The following PSMB9 variants were observed in gnomAD, a reference collection of about 807,000 sequenced individuals.
The protein encoded by PSMB9 is proteasome 20S subunit beta 9.
A neutral mutation model predicts 26.9 loss-of-function variants in PSMB9; 16 were observed. The ratio of observed to expected loss-of-function variants is 0.59; its 90% CI spans 0.40 to 0.90. The LOEUF is 0.90. Ranked by LOEUF, PSMB9 falls within the 40% of genes least tolerant of loss-of-function variation. The probability of loss-of-function intolerance (pLI) is 0.00; values close to 1 mark genes in which losing one functional copy is unlikely to be tolerated. For synonymous variants in PSMB9, 91 were observed against 112.0 expected (o/e 0.81, Z 1.18); for missense variants, 253 against 292.2 (o/e 0.87, Z 0.98).
chr6:32,857,655 A>G (rs1771230449), intron 3 of PSMB9: 5 of 523,318 alleles, frequency 9.6e-6, no homozygotes, highest in Non-Finnish European at 1.7e-5. Context: ...TGATATAAAT[A>G]ATCAGGAAGA....
At position 32,858,590 on chromosome 6, in the gene PSMB9, A is replaced by G. The variant is rs746609175; in HGVS notation, c.532+85A>G. ...TTATGAGGAACAGGAAGAGAAATAC[A>G]GGGGTGGCCATTTAAGTTAATGCCG... is the stretch of plus-strand genomic sequence containing the variant. On this transcript the variant is annotated intron_variant, in intron 5 of 5. Coordinates refer to ENST00000374859, the MANE Select transcript of PSMB9 (RefSeq NM_002800.5). The surrounding 1 kb of genome is among the most constrained non-coding windows in gnomAD (Gnocchi z 5.2). 3.8e-6 allele frequency: 6 copies of G among 1,578,132 alleles called. No homozygotes were observed. The South Asian group carries it at 6.7e-5, about 18-fold the overall frequency.
At chr6:32,857,578 T>A in intron 3 of PSMB9, 184 bp downstream of exon 3, 1 of 653,326 alleles carries the variant, frequency 1.5e-6, no homozygotes, top group Non-Finnish European at 2.4e-6. Context: ...TAGTACCTCA[T>A]GAGACGGTTA....
chr6:32,858,653 A>G lies in PSMB9; in HGVS notation c.532+148A>G. On this transcript the variant is annotated intron_variant, in intron 5 of 5. Transcript: ENST00000374859. The surrounding 1 kb of genome is among the most constrained non-coding windows in gnomAD (Gnocchi z 5.2). ...TTTTAAGAGTGAAAAGGGGCAGGAC[A>G]AATGCAAAGCTCAATGGGGTTCTTG... 9.5e-7 allele frequency: 1 copy of G among 1,056,928 alleles called. No individual in the cohort carries two copies. Among genetic ancestry groups the G allele is most frequent in the Non-Finnish European group, 1.4e-6 (1 of 712,518 alleles). 65.5% of individuals were successfully genotyped at this position (1,056,928 alleles called of 1,614,324 possible). A position where few individuals can be genotyped will look rare whatever the true frequency, so the allele number is the denominator to read the frequency against.
intron 3 of PSMB9, 24 bp downstream of exon 3, chr6:32,857,418 T>A: frequency 6.2e-7 from 1 of 1,607,550 alleles, no homozygotes; most frequent in Non-Finnish European, 8.5e-7. Flanking sequence ...GAGTTCTGAC[T>A]CCCCACCCAC....
intron 2 of PSMB9, chr6:32,856,776 T>G (rs1364584049): frequency 6.4e-6 from 1 of 155,442 alleles, no homozygotes; most frequent in East Asian, 1.9e-4. Flanking sequence ...AAGCCTAATT[T>G]TGATTAACAT....
At position 32,859,690 on chromosome 6, in the gene PSMB9, G is replaced by C; in HGVS notation, c.*158G>C. The stretch of plus-strand genomic sequence containing the variant: ...ATACACTCTTTCTTCTTTTGTCCCA[G>C]GTCTAAAACATCTTTCCTAGAGAAA... On this transcript the variant is annotated 3_prime_UTR_variant, in exon 6 of 6. Coordinates refer to ENST00000374859, the MANE Select transcript of PSMB9 (RefSeq NM_002800.5). 3.5e-6 allele frequency: 3 copies of C among 847,070 alleles called. No homozygotes were observed. Among genetic ancestry groups the C allele is most frequent in the Non-Finnish European group, 5.3e-6 (3 of 563,680 alleles). The allele number at this position is 847,070 out of a possible 1,614,324, so 52.5% of individuals were successfully genotyped here.
Position 32,859,521 on chromosome 6 carries a change from T to G in PSMB9, c.649T>G (p.Tyr217Asp). 1 of 1,613,712 alleles carries G rather than the reference T, an allele frequency of 6.2e-7. No individual in the cohort carries two copies. Among genetic ancestry groups the G allele is most frequent in the Non-Finnish European group, 8.5e-7 (1 of 1,179,892 alleles). The change falls in exon 6 of 6, where the codon TAT becomes GAT. Residue 217 changes from tyrosine (Y) to aspartate (D), a missense_variant. Coordinates refer to ENST00000374859, the MANE Select transcript of PSMB9 (RefSeq NM_002800.5). ...VILGNELPKF[Y>D]DE is the part of the protein sequence containing the mutation. Reference sequence around the variant, plus strand: ...CTTGGGCAATGAACTGCCAAAATTCTATGATGAGTGAACCTTCCCCAGACT... The same window carrying G: ...CTTGGGCAATGAACTGCCAAAATTCGATGATGAGTGAACCTTCCCCAGACT...
chr6:32,855,869 G>T (rs1771138098), intron 1 of PSMB9, among the ~76,000 whole-genome samples: 1 of 152,194 alleles, frequency 6.6e-6, no homozygotes, highest in Admixed American at 6.5e-5. Flanking sequence ...CAGTGGAGAG[G>T]ATTCCACTAG....
chr6:32,858,614 C>A lies in PSMB9; in HGVS notation c.532+109C>A. 1 of 1,432,466 alleles carries A rather than the reference C, an allele frequency of 7.0e-7. No homozygotes were observed. Among genetic ancestry groups the A allele is most frequent in the Non-Finnish European group, 9.7e-7 (1 of 1,034,226 alleles). The allele number at this position is 1,432,466 out of a possible 1,614,324, so 88.7% of individuals were successfully genotyped here. On this transcript the variant is annotated intron_variant, in intron 5 of 5. Transcript: ENST00000374859. The surrounding 1 kb of genome is among the most constrained non-coding windows in gnomAD (Gnocchi z 5.2). ...CAGGGGTGGCCATTTAAGTTAATGC[C>A]GGGCCTGGTACACTTTTAAGAGTGA... is the stretch of plus-strand genomic sequence containing the variant.
chr6:32,858,140 T>A lies in PSMB9; in HGVS notation c.390+6T>A. 1 of 1,612,936 alleles carries A rather than the reference T, an allele frequency of 6.2e-7. No homozygotes were observed. The highest frequency in any genetic ancestry group is 8.5e-7 in the Non-Finnish European group (1 of 1,179,974). ...ACCAACGTGAAGGAGGTCAGGTGAG[T>A]TTCTCCCAAAGCACTCTCTCCTCTG... is the stretch of plus-strand genomic sequence containing the variant. On this transcript the variant is annotated splice_donor_region_variant and intron_variant, in intron 4 of 5. Transcript: ENST00000374859. This position sits in a 1 kb window ranked among gnomAD's most constrained non-coding sequence, Gnocchi z 5.2.
rs114121489 is a variant in PSMB9, at chr6:32,857,648, T to C, written c.260+254T>C. Reference sequence around the variant, plus strand: ...TAAAAGCTGTAAATCACTATCCTGATATAAATAATCAGGAAGAAGGTGATA... The same window carrying C: ...TAAAAGCTGTAAATCACTATCCTGACATAAATAATCAGGAAGAAGGTGATA... On this transcript the variant is annotated intron_variant, in intron 3 of 5. Transcript: ENST00000374859. The C allele has an allele frequency of 2.1e-3, 1,104 of 525,370 alleles. 8 individuals carry two copies. Among genetic ancestry groups the C allele is most frequent in the African/African-American group, 0.019 (984 of 52,252 alleles). The allele number at this position is 525,370 out of a possible 1,614,324, so 32.5% of individuals were successfully genotyped here.
At position 32,856,213 on chromosome 6, in the gene PSMB9, A is replaced by G; in HGVS notation, c.128+8A>G. The G allele has an allele frequency of 1.2e-6, 2 of 1,610,784 alleles. No homozygotes were observed. The highest frequency in any genetic ancestry group is 1.7e-6 in the Non-Finnish European group (2 of 1,178,052). ...TTCCCGAGTGTCTGCAGGGTGAGTA[A>G]AAGTGAAGATGTATGCATTTGGAAA... On this transcript the variant is annotated splice_region_variant and intron_variant, in intron 2 of 5. Coordinates refer to ENST00000374859, the MANE Select transcript of PSMB9 (RefSeq NM_002800.5).
At chr6:32,857,218 A>AGC (rs376627099) in intron 2 of PSMB9, 45 bp from the exon 3 acceptor site, 92,695 of 1,400,300 alleles carry the variant, frequency 0.066, 320 homozygotes, top group Middle Eastern at 0.092. Flanking sequence ...AAAAAAAAAA[A>AGC]AAACCTGAGT....
chr6:32,859,829 G>A lies in PSMB9; in HGVS notation c.*297G>A, dbSNP rs1336840418. 6.6e-6 allele frequency among the ~76,000 whole-genome samples: 1 copy of A among 152,084 alleles called. No individual in the cohort carries two copies. The highest frequency in any genetic ancestry group is 6.5e-5 in the Admixed American group (1 of 15,276). ...AAATTCTCATTCCGCATCATCATGC[G>A]GTCCATGATGATGAGGCCGCAAGTG... On this transcript the variant is annotated 3_prime_UTR_variant, in exon 6 of 6. Coordinates refer to ENST00000374859, the MANE Select transcript of PSMB9 (RefSeq NM_002800.5).
Position 32,857,294 on chromosome 6 carries a change from C to T in PSMB9, c.160C>T (p.Leu54=), listed in dbSNP as rs566898869. The T allele has an allele frequency of 6.2e-7, 1 of 1,609,468 alleles. No individual in the cohort carries two copies. The highest frequency in any genetic ancestry group is 2.2e-5 in the East Asian group (1 of 44,596). ...GGTGGTGAACCGAGTGTTTGACAAG[C>T]TGTCCCCGCTGCACGAGCGCATCTA... ...EAVVNRVFDK[L]SPLHERIYCA... Residue 54 remains leucine, a synonymous_variant, in exon 3 of 6, where the codon CTG becomes TTG. Transcript: ENST00000374859.
chr6:32,855,475 T>A (rs1377325762), intron 1 of PSMB9, among the ~76,000 whole-genome samples: 1 of 152,146 alleles, frequency 6.6e-6, no homozygotes, highest in Admixed American at 6.6e-5. Flanking sequence ...TGGTACAAAT[T>A]TACCTCCCTG....
At chr6:32,857,703 C>T in intron 3 of PSMB9, 2 of 537,214 alleles carry the variant, frequency 3.7e-6, no homozygotes, top group Non-Finnish European at 6.5e-6. Flanking sequence ...CAGGCAGTTA[C>T]CATACGAGAA....
Position 32,854,711 on chromosome 6 carries a change from G to C in PSMB9, c.60+422G>C, listed in dbSNP as rs536778450. 1.3e-5 allele frequency among the ~76,000 whole-genome samples: 2 copies of C among 152,336 alleles called. No individual in the cohort carries two copies. Among genetic ancestry groups the C allele is most frequent in the East Asian group, 3.9e-4 (2 of 5,182 alleles). ...GGAGAAGGAAATATAGGCACTTATT[G>C]AGAAGGACCAACTCATCACACAGAC... On this transcript the variant is annotated intron_variant, in intron 1 of 5. Coordinates refer to ENST00000374859, the MANE Select transcript of PSMB9 (RefSeq NM_002800.5). The surrounding 1 kb of genome is among the most constrained non-coding windows in gnomAD (Gnocchi z 4.6).
In PSMB9 at chr6:32,858,598, C is replaced by A; in HGVS notation, c.532+93C>A. 1 of 1,551,506 alleles carries A rather than the reference C, an allele frequency of 6.4e-7. No homozygotes were observed. The highest frequency in any genetic ancestry group is 8.8e-7 in the Non-Finnish European group (1 of 1,133,412). On this transcript the variant is annotated intron_variant, in intron 5 of 5. Coordinates refer to ENST00000374859, the MANE Select transcript of PSMB9 (RefSeq NM_002800.5). The surrounding 1 kb of genome is among the most constrained non-coding windows in gnomAD (Gnocchi z 5.2). ...AACAGGAAGAGAAATACAGGGGTGG[C>A]CATTTAAGTTAATGCCGGGCCTGGT...
Sources: gnomAD v4.1 joint callset for allele counts (sites outside exome capture counted in the v4.1 genomes callset) on GRCh38, gnomAD v4.1.1 for gene constraint, Gnocchi (gnomAD v3.1) non-coding constraint, MANE v1.5 for transcripts, NCBI Gene and HGNC (gene_info 2026-07-23, HGNC 2026-07-21) for gene names.